ATXN8OS: variants seen among roughly 807,000 people sequenced by gnomAD.
ATXN8OS encodes ATXN8 opposite strand (non-protein coding).
intron 3 of ATXN8OS, among the ~76,000 whole-genome samples, chr13:70,142,421 A>G (rs1888730237): frequency 6.6e-6 from 1 of 152,170 alleles, no homozygotes; most frequent in African/African-American, 2.4e-5. Context: ...ATAACGCTGA[A>G]TACAGTTGAT....
At chr13:70,152,467 GTATACACATATA>G (rs981687677) in intron 4 of ATXN8OS, among the ~76,000 whole-genome samples, 1 of 151,634 alleles carries the variant, frequency 6.6e-6, no homozygotes, top group African/African-American at 2.4e-5. Context: ...GTGTATACAT[GTATACACATATA>G]TATACACACA....
At chr13:70,130,386 G>T (rs1366791097) in intron 3 of ATXN8OS, among the ~76,000 whole-genome samples, 3 of 152,102 alleles carry the variant, frequency 2.0e-5, no homozygotes, top group Non-Finnish European at 4.4e-5. Context: ...TTGTAGAAAT[G>T]AGCACACGCT....
intron 4 of ATXN8OS, among the ~76,000 whole-genome samples, chr13:70,149,958 T>C (rs1888841334): frequency 6.6e-6 from 1 of 151,894 alleles, no homozygotes. Context: ...AAGGAAGAAA[T>C]AGTTTTCCTA....
chr13:70,164,755 A>G (rs1889059401), intron 4 of ATXN8OS, among the ~76,000 whole-genome samples: 1 of 152,014 alleles, frequency 6.6e-6, no homozygotes, highest in African/African-American at 2.4e-5. Flanking sequence ...CCTTTGTTCA[A>G]GTTGCCTGGA....
intron 4 of ATXN8OS, among the ~76,000 whole-genome samples, chr13:70,153,706 G>T (rs1435239798): frequency 2.0e-5 from 3 of 151,894 alleles, no homozygotes; most frequent in African/African-American, 2.4e-5. Flanking sequence ...TTCACACAGG[G>T]TCTTGCTCTG....
At chr13:70,161,089 G>A (rs980687544) in intron 4 of ATXN8OS, among the ~76,000 whole-genome samples, 5 of 150,320 alleles carry the variant, frequency 3.3e-5, no homozygotes, top group Non-Finnish European at 4.4e-5. Context: ...TCTTAAAATC[G>A]GATTCTTCTA....
intron 4 of ATXN8OS, among the ~76,000 whole-genome samples, chr13:70,166,394 G>C (rs1288626060): frequency 3.3e-5 from 5 of 151,978 alleles, no homozygotes; most frequent in South Asian, 4.1e-4. Context: ...TGACAAACCT[G>C]ACAAAAACAA....
At chr13:70,150,263 A>G (rs1193835583) in intron 4 of ATXN8OS, among the ~76,000 whole-genome samples, 1 of 152,094 alleles carries the variant, frequency 6.6e-6, no homozygotes, top group Non-Finnish European at 1.5e-5. Flanking sequence ...GGGCCTACTG[A>G]AGGAAGATAA....
At chr13:70,155,704 T>C (rs947570805) in intron 4 of ATXN8OS, among the ~76,000 whole-genome samples, 2 of 151,892 alleles carry the variant, frequency 1.3e-5, no homozygotes, top group Non-Finnish European at 2.9e-5. Flanking sequence ...TATTTCATAG[T>C]CATAATATGC....
chr13:70,121,159 G>T (rs2137475442), intron 2 of ATXN8OS, among the ~76,000 whole-genome samples: 1 of 151,878 alleles, frequency 6.6e-6, no homozygotes, highest in African/African-American at 2.4e-5. Context: ...ATAAGAGATA[G>T]AAAAGACAAA....
intron 3 of ATXN8OS, among the ~76,000 whole-genome samples, chr13:70,138,890 TGAAA>T: frequency 6.6e-6 from 1 of 152,248 alleles, no homozygotes; most frequent in East Asian, 1.9e-4. Flanking sequence ...GTTGATTCAA[TGAAA>T]GACTTATTGG....
intron 4 of ATXN8OS, among the ~76,000 whole-genome samples, chr13:70,154,102 T>C (rs983013256): frequency 7.2e-5 from 11 of 152,168 alleles, no homozygotes; most frequent in African/African-American, 2.7e-4. Flanking sequence ...ATTTTAACCA[T>C]ATTGAACAAG....
chr13:70,116,943 A>T (rs554675262), intron 2 of ATXN8OS, among the ~76,000 whole-genome samples: 4 of 152,052 alleles, frequency 2.6e-5, no homozygotes, highest in Non-Finnish European at 5.9e-5. Context: ...TAAAATAACT[A>T]ATTTCCCTAT....
exon 5 of ATXN8OS, among the ~76,000 whole-genome samples, chr13:70,171,458 G>A (rs534311397): frequency 6.6e-6 from 1 of 152,216 alleles, no homozygotes; most frequent in Non-Finnish European, 1.5e-5. Context: ...TGATGGCCTA[G>A]GATAATTGTG....
chr13:70,129,518 T>A (rs1051725927), intron 2 of ATXN8OS, among the ~76,000 whole-genome samples: 2 of 152,078 alleles, frequency 1.3e-5, no homozygotes, highest in Non-Finnish European at 1.5e-5. Flanking sequence ...AGATGAGTCC[T>A]CCCTATCTTG....
At chr13:70,156,752 C>T (rs895169734) in intron 4 of ATXN8OS, among the ~76,000 whole-genome samples, 3 of 152,090 alleles carry the variant, frequency 2.0e-5, no homozygotes, top group Non-Finnish European at 2.9e-5. Flanking sequence ...TGAAAAAGGA[C>T]ATACCACACT....
intron 3 of ATXN8OS, among the ~76,000 whole-genome samples, chr13:70,143,825 G>A (rs1317665718): frequency 6.6e-6 from 1 of 152,068 alleles, no homozygotes; most frequent in African/African-American, 2.4e-5. Flanking sequence ...AAGTTTGGGA[G>A]TATGGAAATT....
chr13:70,151,443 A>AT (rs1334791163), intron 4 of ATXN8OS, among the ~76,000 whole-genome samples: 1 of 152,068 alleles, frequency 6.6e-6, no homozygotes, highest in Non-Finnish European at 1.5e-5. Context: ...AGGTTCATCT[A>AT]TTTTTGCTGT....
At chr13:70,109,480 T>C (rs1191495975) in intron 1 of ATXN8OS, among the ~76,000 whole-genome samples, 2 of 152,172 alleles carry the variant, frequency 1.3e-5, no homozygotes, top group Admixed American at 6.5e-5. Context: ...ACCCCCAAGG[T>C]TGAGCTGTAA....
Sources: gnomAD v4.1 joint callset for allele counts (sites outside exome capture counted in the v4.1 genomes callset) on GRCh38, gnomAD v4.1.1 for gene constraint, MANE v1.5 for transcripts, NCBI Gene and HGNC (gene_info 2026-07-23, HGNC 2026-07-21) for gene names.